The following RIT2 variants were observed in gnomAD, a reference collection of about 807,000 sequenced individuals.
The protein encoded by RIT2 is Ras like without CAAX 2.
A neutral mutation model predicts 23.7 loss-of-function variants in RIT2; 24 were observed. That is an observed-to-expected ratio of 1.01 (90% confidence interval 0.73 to 1.43). RIT2 has a LOEUF of 1.43. Ranked by LOEUF, RIT2 falls within the 40% of genes most tolerant of loss-of-function variation. RIT2 has a pLI of 0.00. For synonymous variants in RIT2, 107 were observed against 91.1 expected (o/e 1.17, Z -0.99); for missense variants, 236 against 266.9 (o/e 0.88, Z 0.81).
At chr18:43,095,276 T>C (rs1486286989) in intron 1 of RIT2, among the ~76,000 whole-genome samples, 5 of 152,126 alleles carry the variant, frequency 3.3e-5, no homozygotes, top group African/African-American at 1.2e-4. Flanking sequence ...AGATGTTATC[T>C]CATTGTGGTT....
chr18:42,876,905 T>A (rs187440547), intron 4 of RIT2, among the ~76,000 whole-genome samples: 2 of 152,038 alleles, frequency 1.3e-5, no homozygotes, highest in African/African-American at 2.4e-5. Flanking sequence ...TCGATTTTTT[T>A]AAAATCTTGC....
intron 4 of RIT2, among the ~76,000 whole-genome samples, chr18:42,755,291 C>T (rs1209395264): frequency 6.6e-6 from 1 of 152,164 alleles, no homozygotes; most frequent in African/African-American, 2.4e-5. Context: ...CCGATTCATA[C>T]CACTCTCCCT....
chr18:43,010,485 T>G (rs1266965214), intron 2 of RIT2, among the ~76,000 whole-genome samples: 1 of 151,858 alleles, frequency 6.6e-6, no homozygotes, highest in Non-Finnish European at 1.5e-5. Context: ...TTTCAATTCA[T>G]GCATAATCTA....
At chr18:42,997,472 G>C (rs777056852) in intron 2 of RIT2, among the ~76,000 whole-genome samples, 2 of 151,910 alleles carry the variant, frequency 1.3e-5, no homozygotes, top group African/African-American at 4.8e-5. Flanking sequence ...GAAGAAGGGG[G>C]AGGGAGGGAG....
chr18:43,042,853 AATTAT>A (rs1285049130), intron 1 of RIT2, among the ~76,000 whole-genome samples: 1 of 152,178 alleles, frequency 6.6e-6, no homozygotes, highest in East Asian at 1.9e-4. Context: ...CAAAAAATAA[AATTAT>A]TATAGCACTG....
chr18:42,868,413 G>C (rs1907530103), intron 4 of RIT2, among the ~76,000 whole-genome samples: 1 of 152,130 alleles, frequency 6.6e-6, no homozygotes, highest in African/African-American at 2.4e-5. Context: ...GAAAACCCAA[G>C]TTTAAGCAAA....
chr18:42,985,743 A>C (rs1910693967), intron 2 of RIT2, among the ~76,000 whole-genome samples: 1 of 152,112 alleles, frequency 6.6e-6, no homozygotes, highest in African/African-American at 2.4e-5. Context: ...ACAATAAAGA[A>C]ATTTTAATTA....
intron 4 of RIT2, among the ~76,000 whole-genome samples, chr18:42,913,146 G>A (rs1338371848): frequency 6.6e-6 from 1 of 150,878 alleles, no homozygotes; most frequent in Non-Finnish European, 1.5e-5. Flanking sequence ...TCAATAAAAA[G>A]GGAAAAGACT....
chr18:43,075,707 C>A (rs933704657), intron 1 of RIT2, among the ~76,000 whole-genome samples: 3 of 152,028 alleles, frequency 2.0e-5, no homozygotes, highest in African/African-American at 7.3e-5. Context: ...TGGTTGCAAC[C>A]ACCTTTTCAA....
chr18:43,115,289 G>T, intron 1 of RIT2, 128 bp downstream of exon 1: 2 of 1,182,958 alleles, frequency 1.7e-6, no homozygotes, highest in South Asian at 2.8e-5. Flanking sequence ...CATCCTGCCA[G>T]ACCCATACTC....
intron 4 of RIT2, among the ~76,000 whole-genome samples, chr18:42,754,660 A>G (rs987500054): frequency 2.0e-5 from 3 of 152,152 alleles, no homozygotes; most frequent in African/African-American, 7.2e-5. Context: ...ACCAAATGCA[A>G]GGCAGCTGGA....
chr18:42,767,685 G>A (rs1158509657), intron 4 of RIT2, among the ~76,000 whole-genome samples: 3 of 152,144 alleles, frequency 2.0e-5, no homozygotes. Context: ...GATGTGGTTT[G>A]GCTCTGACCC....
intron 4 of RIT2, among the ~76,000 whole-genome samples, chr18:42,847,577 T>G (rs1906944959): frequency 6.6e-6 from 1 of 152,160 alleles, no homozygotes; most frequent in South Asian, 2.1e-4. Flanking sequence ...GCGTCATCTG[T>G]CATTCTTCAT....
At chr18:42,822,511 A>G (rs138999941) in intron 4 of RIT2, among the ~76,000 whole-genome samples, 1 of 152,242 alleles carries the variant, frequency 6.6e-6, no homozygotes, top group Non-Finnish European at 1.5e-5. Flanking sequence ...GTTGGTTCCA[A>G]TACATTGTTG....
At chr18:42,904,092 C>T (rs1908549495) in intron 4 of RIT2, among the ~76,000 whole-genome samples, 1 of 151,964 alleles carries the variant, frequency 6.6e-6, no homozygotes, top group South Asian at 2.1e-4. Flanking sequence ...TACAAATGGA[C>T]CCAGGCACAT....
intron 4 of RIT2, among the ~76,000 whole-genome samples, chr18:42,795,566 C>G (rs1411699020): frequency 6.6e-6 from 1 of 152,228 alleles, no homozygotes; most frequent in Non-Finnish European, 1.5e-5. Flanking sequence ...GCGCAGCCCC[C>G]TGCTCCACGG....
At chr18:43,056,605 AT>A (rs1239709286) in intron 1 of RIT2, among the ~76,000 whole-genome samples, 1 of 152,122 alleles carries the variant, frequency 6.6e-6, no homozygotes, top group Non-Finnish European at 1.5e-5. Flanking sequence ...CTTGACAGCC[AT>A]TTTATTACAC....
At chr18:42,976,307 T>G (rs1198475527) in intron 2 of RIT2, among the ~76,000 whole-genome samples, 1 of 151,416 alleles carries the variant, frequency 6.6e-6, no homozygotes, top group Non-Finnish European at 1.5e-5. Flanking sequence ...TTGAAAAGAG[T>G]ATGGAACAAC....
intron 3 of RIT2, among the ~76,000 whole-genome samples, chr18:42,929,032 G>GATATATATATAT (rs1187388200): frequency 2.5e-4 from 4 of 16,066 alleles, no homozygotes; most frequent in African/African-American, 4.4e-4. Flanking sequence ...CTAAAATATG[G>GATATATATATAT]AGATATATAT....
Sources: gnomAD v4.1 joint callset for allele counts (sites outside exome capture counted in the v4.1 genomes callset) on GRCh38, gnomAD v4.1.1 for gene constraint, MANE v1.5 for transcripts, NCBI Gene and HGNC (gene_info 2026-07-23, HGNC 2026-07-21) for gene names.